The following TATDN1 variants were observed in gnomAD, a reference collection of about 807,000 sequenced individuals.
TATDN1 encodes the protein TatD DNase domain containing 1.
A neutral mutation model predicts 46.4 loss-of-function variants in TATDN1; 40 were observed. That is an observed-to-expected ratio of 0.86 (90% confidence interval 0.67 to 1.12). TATDN1 has a LOEUF of 1.12. Among genes scored for constraint, TATDN1 ranks in the 50% most tolerant of loss-of-function variants. The pLI, the probability that TATDN1 is intolerant of heterozygous loss-of-function variation, is 0.00. For missense variants in TATDN1, 326 were observed against 348.4 expected, an observed-to-expected ratio of 0.94 and a Z score of 0.51; for synonymous variants, 95 against 105.6, an observed-to-expected ratio of 0.90 and a Z score of 0.62.
intron 9 of TATDN1, chr8:124,503,974 G>C: frequency 7.7e-7 from 1 of 1,302,710 alleles, no homozygotes; most frequent in Non-Finnish European, 1.0e-6. Context: ...GTTTTCAAGG[G>C]ATCAAATGAC....
intron 9 of TATDN1, among the ~76,000 whole-genome samples, chr8:124,496,946 C>T (rs1817513708): frequency 6.6e-6 from 1 of 152,120 alleles, no homozygotes; most frequent in Admixed American, 6.5e-5. Context: ...TTTATTTCAG[C>T]ATTTAATTCA....
chr8:124,527,664 G>C (rs1180923972), intron 1 of TATDN1, among the ~76,000 whole-genome samples: 2 of 152,014 alleles, frequency 1.3e-5, no homozygotes, highest in African/African-American at 4.8e-5. Flanking sequence ...AGTCAGTCGG[G>C]TGGGGCAGGG....
intron 1 of TATDN1, among the ~76,000 whole-genome samples, chr8:124,528,116 G>A (rs1240306715): frequency 6.6e-6 from 1 of 152,154 alleles, no homozygotes; most frequent in African/African-American, 2.4e-5. Context: ...ATCATTGAGA[G>A]GATTAGTAGT....
intron 8 of TATDN1, among the ~76,000 whole-genome samples, chr8:124,506,263 A>G (rs954836266): frequency 6.7e-6 from 1 of 149,324 alleles, no homozygotes; most frequent in Non-Finnish European, 1.5e-5. Context: ...TGAACTTGGA[A>G]GACAGAAGTT....
rs570733402 is a variant in TATDN1, at chr8:124,517,950, G to T, written c.202+868C>A. On this transcript the variant is annotated intron_variant, in intron 4 of 11. Transcript: ENST00000276692. ...AGGTTGGCTGGGCACGGTGGCTCAC[G>T]CCTGTAATCCCAGCGCTTTGGGAGG... Among the ~76,000 whole-genome samples the T allele has an allele frequency of 9.3e-4, 141 of 152,198 alleles. 1 individual carries two copies. Among genetic ancestry groups the T allele is most frequent in the African/African-American group, 3.4e-3 (140 of 41,520 alleles).
Position 124,534,145 on chromosome 8 carries a change from CAAAAAAAAAAAAAA to C in TATDN1, c.22+4866_22+4879del, listed in dbSNP as rs869060230. Among the ~76,000 whole-genome samples, 71 of 51,268 alleles carry C rather than the reference CAAAAAAAAAAAAAA, an allele frequency of 1.4e-3. 1 individual carries two copies. Among genetic ancestry groups the C allele is most frequent in the South Asian group, 9.3e-3 (9 of 964 alleles). The allele number at this position is 51,268 out of a possible 152,430, so 33.6% of individuals were successfully genotyped here. The stretch of plus-strand genomic sequence containing the variant: ...TGGGCAACAGAGCGAGACTCCGTCT[CAAAAAAAAAAAAAA>C]AAAAAAAAAAAAAAAAAAAAGAAAT... On this transcript the variant is annotated intron_variant, in intron 1 of 11. Transcript: ENST00000276692.
chr8:124,519,756 T>C (rs910007764), intron 3 of TATDN1, among the ~76,000 whole-genome samples: 4 of 152,180 alleles, frequency 2.6e-5, no homozygotes. Flanking sequence ...ACGTATGGCT[T>C]TTGGCAAATA....
chr8:124,523,210 A>C, intron 1 of TATDN1: 1 of 551,938 alleles, frequency 1.8e-6, no homozygotes, highest in Non-Finnish European at 3.2e-6. Flanking sequence ...AACTCACCGC[A>C]GAACTGGTAA....
chr8:124,525,885 C>T (rs147024911), intron 1 of TATDN1, among the ~76,000 whole-genome samples: 2 of 152,272 alleles, frequency 1.3e-5, no homozygotes, highest in African/African-American at 2.4e-5. Flanking sequence ...ATGTTCTTAT[C>T]TATGTTAAGG....
chr8:124,502,527 T>C (rs1818064238), intron 9 of TATDN1, among the ~76,000 whole-genome samples: 1 of 152,164 alleles, frequency 6.6e-6, no homozygotes, highest in Non-Finnish European at 1.5e-5. Flanking sequence ...CTGGCTTGTA[T>C]TTAAAAGAAA....
intron 1 of TATDN1, among the ~76,000 whole-genome samples, chr8:124,523,790 G>A (rs1462136227): frequency 2.0e-5 from 3 of 152,128 alleles, no homozygotes; most frequent in African/African-American, 4.8e-5. Context: ...GTCTCCTGCC[G>A]ATACTGAGGG....
intron 8 of TATDN1, among the ~76,000 whole-genome samples, chr8:124,507,190 C>T (rs914171186): frequency 2.6e-4 from 40 of 151,556 alleles, no homozygotes; most frequent in African/African-American, 9.7e-4. Context: ...CCATAGATAT[C>T]GGAGGTATGT....
At chr8:124,511,165 T>C (rs529231952) in intron 6 of TATDN1, among the ~76,000 whole-genome samples, 3 of 152,242 alleles carry the variant, frequency 2.0e-5, no homozygotes, top group Admixed American at 6.5e-5. Context: ...CTTGAGTTAT[T>C]TGCTCATCTT....
intron 8 of TATDN1, among the ~76,000 whole-genome samples, chr8:124,504,895 C>A (rs1429756919): frequency 6.7e-6 from 1 of 150,266 alleles, no homozygotes; most frequent in Non-Finnish European, 1.5e-5. Context: ...TACAAGCATG[C>A]GCCACCACGC....
At chr8:124,501,564 A>G (rs1360638539) in intron 9 of TATDN1, among the ~76,000 whole-genome samples, 2 of 152,210 alleles carry the variant, frequency 1.3e-5, no homozygotes, top group Non-Finnish European at 2.9e-5. Flanking sequence ...ACTATAATTC[A>G]TGTCTTTAGA....
At chr8:124,529,382 G>A (rs35531798) in intron 1 of TATDN1, among the ~76,000 whole-genome samples, 8,351 of 152,222 alleles carry the variant, frequency 0.055, 339 homozygotes, top group Non-Finnish European at 0.088. Context: ...TTCACACCCT[G>A]CCAACACAGA....
intron 1 of TATDN1, among the ~76,000 whole-genome samples, chr8:124,532,787 A>G (rs560600253): frequency 2.6e-5 from 4 of 152,232 alleles, no homozygotes; most frequent in Admixed American, 1.3e-4. Flanking sequence ...TGGGGGCCTG[A>G]TTCAATGATT....
intron 4 of TATDN1, among the ~76,000 whole-genome samples, chr8:124,518,447 C>A (rs1819717043): frequency 1.3e-5 from 2 of 150,132 alleles, no homozygotes. Flanking sequence ...TGGTGTGAAC[C>A]TGGGAGGTGG....
At position 124,488,697 on chromosome 8, in the gene TATDN1, C is replaced by A. The variant is rs201282140; in HGVS notation, c.792-1G>T. On this transcript the variant is annotated splice_acceptor_variant, in intron 11 of 11. Transcript: ENST00000276692. LOFTEE classifies it high-confidence loss of function. ...TGCTGACATTATCTCCAATATTTGA[C>A]TAAAACAAAACAAAAACAAAAATGG... is the stretch of plus-strand genomic sequence containing the variant. 1 of 1,584,242 alleles carries A rather than the reference C, an allele frequency of 6.3e-7. No homozygotes were observed. The highest frequency in any genetic ancestry group is 8.7e-7 in the Non-Finnish European group (1 of 1,154,716).
Sources: allele counts gnomAD v4.1 joint callset (sites outside exome capture counted in the v4.1 genomes callset), GRCh38; gene constraint gnomAD v4.1.1; transcripts MANE v1.5; gene names NCBI Gene and HGNC (gene_info 2026-07-23, HGNC 2026-07-21).